Variants in MAEL observed in about 807,000 individuals in gnomAD.
MAEL encodes maelstrom spermatogenic transposon silencer, also known as protein maelstrom homolog.
A neutral mutation model predicts 62.0 loss-of-function variants in MAEL; 46 were observed. That is an observed-to-expected ratio of 0.74 (90% confidence interval 0.59 to 0.95). The LOEUF is 0.95. Among genes scored for constraint, MAEL ranks in the 40% least tolerant of loss-of-function variants. MAEL has a pLI of 0.00. For missense variants in MAEL, 497 were observed against 526.8 expected, an observed-to-expected ratio of 0.94 and a Z score of 0.55; for synonymous variants, 172 against 175.5, an observed-to-expected ratio of 0.98 and a Z score of 0.16.
Position 167,021,096 on chromosome 1 carries a change from T to C in MAEL, c.1053T>C (p.Val351=), listed in dbSNP as rs2102136507. ...CCTGTTACTTACAGAAGCTAAGGGT[T>C]GGGAGTTCAGGATTCTCTCATTTCA... ...LDAGRYQKLR[V]GSSGFSHFNS... The change falls in exon 11 of 12, where the codon GTT becomes GTC. Residue 351 remains valine (V), a synonymous_variant. Transcript: ENST00000367872. The C allele has an allele frequency of 6.2e-7, 1 of 1,611,712 alleles. No homozygotes were observed. Among genetic ancestry groups the C allele is most frequent in the Non-Finnish European group, 8.5e-7 (1 of 1,178,218 alleles).
intron 6 of MAEL, 63 bp downstream of exon 6, chr1:167,004,367 C>G (rs1355085892): frequency 8.2e-6 from 12 of 1,468,256 alleles, no homozygotes; most frequent in Non-Finnish European, 1.0e-5. Flanking sequence ...ATCCATAAAA[C>G]AAAGAATTTT....
chr1:166,980,166 T>C (rs753320234), intron 1 of MAEL, among the ~76,000 whole-genome samples: 2 of 152,016 alleles, frequency 1.3e-5, no homozygotes, highest in Non-Finnish European at 2.9e-5. Flanking sequence ...TGCAAGTGCA[T>C]GCCACCATGC....
rs199731527 is a variant in MAEL at position 166,989,782 on chromosome 1, G to C, written c.178G>C (p.Glu60Gln). The C allele has an allele frequency of 5.0e-6, 8 of 1,614,040 alleles. No individual in the cohort carries two copies. The East Asian group carries it at 1.8e-4, about 36-fold the overall frequency. The change falls in exon 2 of 12, where the codon GAA becomes CAA. Residue 60 changes from glutamate (E) to glutamine (Q), a missense_variant. Physicochemically the swap from Glu to Gln is conservative, Grantham distance 29. Coordinates refer to ENST00000367872, the MANE Select transcript of MAEL (RefSeq NM_032858.3). ...GGAGAAATACGCAGAAATGGCTCGA[G>C]AATGGAGGGCCGCTCAGGGAAAGGA... ...EKEKYAEMAREWRAAQGKDPG... is the reference protein window; with the variant it reads ...EKEKYAEMARQWRAAQGKDPG...
At chr1:167,007,546 G>A (rs1437720111) in intron 8 of MAEL, among the ~76,000 whole-genome samples, 3 of 141,632 alleles carry the variant, frequency 2.1e-5, no homozygotes, top group Non-Finnish European at 3.0e-5. Flanking sequence ...AGAGAGCTAG[G>A]AAATATATGT....
chr1:166,982,701 C>T (rs1663794823), intron 1 of MAEL, among the ~76,000 whole-genome samples: 1 of 152,076 alleles, frequency 6.6e-6, no homozygotes, highest in Non-Finnish European at 1.5e-5. Context: ...CCAGTGGTTT[C>T]CCCCAATTTA....
upstream of MAEL, chr1:166,989,249 C>G: frequency 6.3e-6 from 9 of 1,421,794 alleles, no homozygotes; most frequent in Non-Finnish European, 8.5e-6. Flanking sequence ...CCGAGAGTTG[C>G]GGGCTGCGTG....
upstream of MAEL, among the ~76,000 whole-genome samples, chr1:166,986,921 AATT>A (rs1663932505): frequency 6.7e-6 from 1 of 149,546 alleles, no homozygotes; most frequent in Admixed American, 6.7e-5. Context: ...AGGCATAAAT[AATT>A]AGGAATGAAA....
At chr1:167,007,010 T>C (rs1051505746) in intron 8 of MAEL, among the ~76,000 whole-genome samples, 2 of 152,140 alleles carry the variant, frequency 1.3e-5, no homozygotes, top group Admixed American at 1.3e-4. Flanking sequence ...CCTCAAACTT[T>C]CATATACAAA....
chr1:167,002,488 A>C (rs1411753491), intron 5 of MAEL, among the ~76,000 whole-genome samples: 1 of 152,186 alleles, frequency 6.6e-6, no homozygotes, highest in Non-Finnish European at 1.5e-5. Flanking sequence ...TCATATGTCT[A>C]GTTATTTTCG....
At chr1:167,010,803 A>G (rs1159025456) in intron 8 of MAEL, among the ~76,000 whole-genome samples, 1 of 152,136 alleles carries the variant, frequency 6.6e-6, no homozygotes. Context: ...GTAGATGAAG[A>G]TACATTGCTC....
intron 8 of MAEL, among the ~76,000 whole-genome samples, chr1:167,008,284 CT>C (rs1665017724): frequency 6.6e-6 from 1 of 152,020 alleles, no homozygotes; most frequent in South Asian, 2.1e-4. Context: ...TCCTTGATAA[CT>C]TTTTCTGTTC....
chr1:167,020,008 T>C (rs1665556362), intron 10 of MAEL, among the ~76,000 whole-genome samples: 1 of 152,144 alleles, frequency 6.6e-6, no homozygotes. Context: ...TCCTTCATAA[T>C]CTCAATTTCA....
rs1468772993 is a variant in MAEL at position 167,005,142 on chromosome 1, T to A, written c.703+12T>A. The A allele has an allele frequency of 6.2e-7, 1 of 1,613,496 alleles. No homozygotes were observed. The highest frequency in any genetic ancestry group is 8.5e-7 in the Non-Finnish European group (1 of 1,179,672). On this transcript the variant is annotated intron_variant, in intron 7 of 11. Coordinates refer to ENST00000367872, the MANE Select transcript of MAEL (RefSeq NM_032858.3). ...GGCAAAGGCATCAGGTAAGTAAAACTCTGGGTTGCTGCAGAAGTGCTTTAT... is the reference window on the plus strand; with the variant it reads ...GGCAAAGGCATCAGGTAAGTAAAACACTGGGTTGCTGCAGAAGTGCTTTAT...
intron 3 of MAEL, among the ~76,000 whole-genome samples, chr1:166,991,824 A>G (rs980937667): frequency 9.2e-5 from 14 of 152,224 alleles, no homozygotes; most frequent in Non-Finnish European, 5.9e-5. Flanking sequence ...CTACAGTGTG[A>G]TGACTACGTT....
chr1:166,994,282 T>C (rs190673792), intron 5 of MAEL, among the ~76,000 whole-genome samples: 5 of 152,336 alleles, frequency 3.3e-5, no homozygotes, highest in Non-Finnish European at 2.9e-5. Context: ...GGAATTGTTT[T>C]ATTTTCTGTA....
chr1:167,003,651 T>C (rs1557980138), intron 5 of MAEL, among the ~76,000 whole-genome samples: 2 of 152,330 alleles, frequency 1.3e-5, no homozygotes, highest in East Asian at 3.9e-4. Context: ...ATTGATATAT[T>C]CTCTAATCTT....
rs757084941 is a variant in MAEL, at chr1:167,017,882, C to T, written c.964C>T (p.His322Tyr). The change falls in exon 10 of 12, where the codon CAT becomes TAT. Residue 322 changes from histidine to tyrosine, a missense_variant. Physicochemically the swap from His to Tyr is moderately conservative, Grantham distance 83 (BLOSUM62 2). Transcript: ENST00000367872. ...TLFGIQLTEA[H>Y]VPLQDYEASN... ...CTTTGGAATCCAGCTCACAGAGGCT[C>T]ATGTACCACTACAAGATTATGAGGC... is the stretch of plus-strand genomic sequence containing the variant. 101 of 1,613,206 alleles carry T rather than the reference C, an allele frequency of 6.3e-5. No homozygotes were observed. The highest frequency in any genetic ancestry group is 8.1e-5 in the Non-Finnish European group (95 of 1,179,516).
At chr1:166,977,341 G>T (rs148083608) in intron 1 of MAEL, among the ~76,000 whole-genome samples, 27 of 152,240 alleles carry the variant, frequency 1.8e-4, no homozygotes, top group African/African-American at 6.0e-4. Context: ...AATATAGGAG[G>T]TACCTAACAC....
At chr1:166,983,777 A>C (rs1305090696) in intron 1 of MAEL, among the ~76,000 whole-genome samples, 1 of 152,068 alleles carries the variant, frequency 6.6e-6, no homozygotes, top group Non-Finnish European at 1.5e-5. Flanking sequence ...TGAGACAGGC[A>C]GATCACTTGA....
Sources: gnomAD v4.1 joint callset for allele counts (sites outside exome capture counted in the v4.1 genomes callset) on GRCh38, gnomAD v4.1.1 for gene constraint, MANE v1.5 for transcripts, NCBI Gene and HGNC (gene_info 2026-07-23, HGNC 2026-07-21) for gene names.